The following GLI2 variants were observed in gnomAD, a reference collection of about 807,000 sequenced individuals.
GLI2 encodes the protein GLI family zinc finger 2.
GLI2 carries 22 observed loss-of-function variants against 78.9 expected under a neutral mutation model. That is an observed-to-expected ratio of 0.28 (90% CI 0.20 to 0.40). GLI2 has a LOEUF of 0.40. Among genes scored for constraint, GLI2 ranks in the 10% least tolerant of loss-of-function variants. The pLI, the probability that GLI2 is intolerant of heterozygous loss-of-function variation, is 1.00. For missense variants in GLI2, 2,097 were observed against 2,213.2 expected (o/e 0.95, Z 1.05); for synonymous variants, 974 against 963.7 (o/e 1.01, Z -0.20).
intron 6 of GLI2, 102 bp from the exon 7 acceptor site, chr2:120,970,291 T>G (rs1682076156): frequency 2.9e-6 from 2 of 698,690 alleles, no homozygotes; most frequent in East Asian, 5.4e-5. Context: ...AGCAACATGC[T>G]CATCCCTATC....
intron 2 of GLI2, among the ~76,000 whole-genome samples, chr2:120,851,599 G>C (rs944875446): frequency 9.2e-5 from 14 of 152,220 alleles, no homozygotes; most frequent in African/African-American, 3.1e-4. Context: ...GTACTGAACT[G>C]GAGTCTGGTG....
intron 3 of GLI2, among the ~76,000 whole-genome samples, chr2:120,932,388 A>T (rs1679987410): frequency 6.6e-6 from 1 of 151,984 alleles, no homozygotes; most frequent in African/African-American, 2.4e-5. Flanking sequence ...CCCTCTCAGG[A>T]TCCTGATAGC....
intron 13 of GLI2, among the ~76,000 whole-genome samples, chr2:120,987,421 A>G (rs995731454): frequency 1.3e-5 from 2 of 152,180 alleles, no homozygotes; most frequent in African/African-American, 4.8e-5. Flanking sequence ...CCCCGCATGC[A>G]ATGACTGGTC....
chr2:120,948,643 C>A (rs558403253), intron 3 of GLI2, among the ~76,000 whole-genome samples: 121 of 152,298 alleles, frequency 7.9e-4, no homozygotes, highest in African/African-American at 2.9e-3. Flanking sequence ...CCTGGGTCAC[C>A]TTGGACAGAC....
chr2:120,925,583 T>G (rs1255494287), intron 2 of GLI2, among the ~76,000 whole-genome samples: 1 of 152,210 alleles, frequency 6.6e-6, no homozygotes, highest in Non-Finnish European at 1.5e-5. Context: ...TACTGTCTGA[T>G]CTTTCCTGCA....
chr2:120,902,591 T>C (rs2104786714), intron 2 of GLI2, among the ~76,000 whole-genome samples: 1 of 152,248 alleles, frequency 6.6e-6, no homozygotes, highest in African/African-American at 2.4e-5. Flanking sequence ...TTCCTTGTTG[T>C]AGATGATGGC....
chr2:120,837,620 T>C (rs538693792), intron 2 of GLI2, among the ~76,000 whole-genome samples: 193 of 152,334 alleles, frequency 1.3e-3, no homozygotes, highest in Non-Finnish European at 2.1e-3. Flanking sequence ...ATTCTAAAAT[T>C]TAAAAAATTG....
chr2:120,964,582 G>A (rs1260552469), intron 5 of GLI2, among the ~76,000 whole-genome samples: 6 of 152,216 alleles, frequency 3.9e-5, no homozygotes, highest in Non-Finnish European at 2.9e-5. Context: ...TGGAGGGGAG[G>A]AGGGAAGGCC....
At chr2:120,869,129 A>G (rs1186798840) in intron 2 of GLI2, among the ~76,000 whole-genome samples, 1 of 146,910 alleles carries the variant, frequency 6.8e-6, no homozygotes, top group Non-Finnish European at 1.5e-5. Context: ...GTCACAGAGG[A>G]GACCATTTCT....
chr2:120,764,450 G>A (rs1000352240), intron 1 of GLI2, among the ~76,000 whole-genome samples: 6 of 151,604 alleles, frequency 4.0e-5, no homozygotes, highest in Non-Finnish European at 7.4e-5. Context: ...AAAAGAGAAC[G>A]GATTACTTCC....
rs142626503 is a variant in GLI2, at chr2:120,800,473, T to TTTATTATTATTATTATTATTATTATTA, written c.148+3025_148+3026insATTATTATTATTATTATTATTATTATT. On this transcript the variant is annotated intron_variant, in intron 2 of 13. Coordinates refer to ENST00000361492, the MANE Select transcript of GLI2 (RefSeq NM_001374353.1). The surrounding 1 kb of genome is among the most constrained non-coding windows in gnomAD (Gnocchi z 4.1). ...TTTGCTGTCTGGCGGAAAGGGATGA[T>TTTATTATTATTATTATTATTATTATTA]TTATTATTATTATTATTATTTTATT... Among the ~76,000 whole-genome samples the TTTATTATTATTATTATTATTATTATTA allele has an allele frequency of 6.7e-6, 1 of 148,502 alleles. No individual in the cohort carries two copies. Among genetic ancestry groups the TTTATTATTATTATTATTATTATTATTA allele is most frequent in the African/African-American group, 2.5e-5 (1 of 40,520 alleles).
intron 2 of GLI2, among the ~76,000 whole-genome samples, chr2:120,918,438 CTTT>C (rs563960856): frequency 0.035 from 4,435 of 126,968 alleles, 72 homozygotes; most frequent in African/African-American, 0.057. Flanking sequence ...CATAAATATT[CTTT>C]TTTTTTTTTT....
intron 2 of GLI2, among the ~76,000 whole-genome samples, chr2:120,902,880 G>A (rs1678336090): frequency 1.3e-5 from 2 of 152,230 alleles, no homozygotes; most frequent in Admixed American, 1.3e-4. Flanking sequence ...TTGTTGCCTT[G>A]ATGGATTGGG....
Position 120,951,243 on chromosome 2 carries a change from G to A in GLI2, c.255G>A (p.Gly85=). 6.3e-7 allele frequency: 1 copy of A among 1,587,848 alleles called. No individual in the cohort carries two copies. Among genetic ancestry groups the A allele is most frequent in the Non-Finnish European group, 8.6e-7 (1 of 1,156,260 alleles). ...AGACGGCTGCCCATTGTCTCTGCAG[G>A]CCCCCTGCCCTCAGCGGCAGCCCTG... ...YEPHSVHGVH[G]PPALSGSPVI... is the part of the protein sequence containing the mutation. Residue 85 remains glycine, a splice_region_variant and synonymous_variant, in exon 4 of 14, where the codon GGG becomes GGA. Transcript: ENST00000361492.
chr2:120,945,957 T>TCACA (rs3223143), intron 3 of GLI2, among the ~76,000 whole-genome samples: 2,549 of 134,238 alleles, frequency 0.019, 65 homozygotes, highest in African/African-American at 0.058. Context: ...CATAACCTTC[T>TCACA]CACACACACA....
intron 9 of GLI2, 145 bp from the exon 10 acceptor site, chr2:120,978,289 A>G (rs1321876915): frequency 1.2e-6 from 1 of 842,554 alleles, no homozygotes. Context: ...TCTGAACATA[A>G]TAGGTGTGGT....
chr2:120,888,391 G>A (rs909843671), intron 2 of GLI2, among the ~76,000 whole-genome samples: 1 of 152,226 alleles, frequency 6.6e-6, no homozygotes, highest in Non-Finnish European at 1.5e-5. Context: ...TCGTCCCCGA[G>A]CATTAGGAAC....
intron 9 of GLI2, among the ~76,000 whole-genome samples, chr2:120,977,638 G>A (rs141129551): frequency 1.4e-4 from 22 of 152,294 alleles, no homozygotes; most frequent in Non-Finnish European, 3.1e-4. Context: ...TCCTGGCCTC[G>A]CCACCAGGCT....
intron 2 of GLI2, among the ~76,000 whole-genome samples, chr2:120,852,840 G>T (rs1414977391): frequency 2.0e-5 from 3 of 152,202 alleles, no homozygotes; most frequent in Non-Finnish European, 4.4e-5. Context: ...AGCACTCGCT[G>T]TGCCCAGTGT....
Sources: gnomAD v4.1 joint callset for allele counts (sites outside exome capture counted in the v4.1 genomes callset) on GRCh38, gnomAD v4.1.1 for gene constraint, Gnocchi (gnomAD v3.1) non-coding constraint, MANE v1.5 for transcripts, NCBI Gene and HGNC (gene_info 2026-07-23, HGNC 2026-07-21) for gene names.